PXYLP1: variants seen among roughly 807,000 people sequenced by gnomAD.
PXYLP1 encodes the protein 2-phosphoxylose phosphatase 1.
Under a neutral mutation model 37.9 loss-of-function variants are expected in PXYLP1, and 17 were observed. The ratio of observed to expected loss-of-function variants is 0.45; its 90% CI spans 0.31 to 0.67. PXYLP1 has a LOEUF of 0.67. Ranked by LOEUF, PXYLP1 falls within the 30% of genes least tolerant of loss-of-function variation. PXYLP1 has a pLI of 0.07. For synonymous variants in PXYLP1, 221 were observed against 232.2 expected, an observed-to-expected ratio of 0.95 and a Z score of 0.44; for missense variants, 511 against 612.0, an observed-to-expected ratio of 0.84 and a Z score of 1.74.
Position 141,292,992 on chromosome 3 carries a change from C to T in PXYLP1, c.1230C>T (p.Asp410=). ...AARLIFELWQ[D]REKPSEHSVR... Reference sequence around the variant, plus strand: ...GGTTGATCTTTGAGCTTTGGCAAGACAGAGAAAAGCCCAGTGAACATTCCG... The same window carrying T: ...GGTTGATCTTTGAGCTTTGGCAAGATAGAGAAAAGCCCAGTGAACATTCCG... Residue 410 remains aspartate, a synonymous_variant, in exon 6 of 6, where the codon GAC becomes GAT. Transcript: ENST00000286353. The surrounding 1 kb of genome is among the most constrained non-coding windows in gnomAD (Gnocchi z 4.3). 6.2e-7 allele frequency: 1 copy of T among 1,614,196 alleles called. No homozygotes were observed. The highest frequency in any genetic ancestry group is 1.7e-5 in the Admixed American group (1 of 60,028).
intron 2 of PXYLP1, among the ~76,000 whole-genome samples, chr3:141,275,650 A>G (rs986188024): frequency 2.0e-5 from 3 of 152,240 alleles, no homozygotes; most frequent in Non-Finnish European, 4.4e-5. Flanking sequence ...GGGCTGTGTT[A>G]GCCATCCTAG....
chr3:141,268,192 AGAGAGAGAGAGAGAGT>A (rs751817870), intron 2 of PXYLP1, among the ~76,000 whole-genome samples: 237 of 98,588 alleles, frequency 2.4e-3, no homozygotes, highest in Admixed American at 3.4e-3. Flanking sequence ...AGAGAGAGAG[AGAGAGAGAGAGAGAGT>A]GTGTGTGTGT....
chr3:141,233,322 A>C (rs1189073424), intron 1 of PXYLP1, among the ~76,000 whole-genome samples: 1 of 152,086 alleles, frequency 6.6e-6, no homozygotes, highest in African/African-American at 2.4e-5. Flanking sequence ...AAAATTAGCC[A>C]GGCGTGGTGG....
chr3:141,260,405 G>A, intron 2 of PXYLP1, 151 bp downstream of exon 2: 6 of 875,356 alleles, frequency 6.9e-6, no homozygotes, highest in South Asian at 1.7e-5. Flanking sequence ...GTTGCAAGGA[G>A]GGATCCTAAA....
intron 2 of PXYLP1, chr3:141,267,468 G>A (rs1218109103): frequency 1.3e-5 from 2 of 152,134 alleles, no homozygotes; most frequent in African/African-American, 4.8e-5. Flanking sequence ...TCTCTTCATT[G>A]TGACCAAAGT....
chr3:141,284,267 G>T (rs1429222562), intron 4 of PXYLP1, among the ~76,000 whole-genome samples: 1 of 152,072 alleles, frequency 6.6e-6, no homozygotes, highest in East Asian at 1.9e-4. Context: ...ACCATCCCCT[G>T]GGGATGGCTA....
intron 1 of PXYLP1, among the ~76,000 whole-genome samples, chr3:141,248,097 A>G (rs1380646125): frequency 7.1e-6 from 1 of 140,498 alleles, no homozygotes; most frequent in Non-Finnish European, 1.5e-5. Flanking sequence ...ATTTTGGCTC[A>G]CTGCAACCTC....
chr3:141,292,140 TG>T lies in PXYLP1; in HGVS notation c.506-124del. 1 of 872,806 alleles carries T rather than the reference TG, an allele frequency of 1.1e-6. No individual in the cohort carries two copies. The highest frequency in any genetic ancestry group is 1.8e-6 in the Non-Finnish European group (1 of 566,940). The allele number at this position is 872,806 out of a possible 1,614,324, so 54.1% of individuals were successfully genotyped here. A position where few individuals can be genotyped will look rare whatever the true frequency, so the allele number is the denominator to read the frequency against. On this transcript the variant is annotated intron_variant, in intron 5 of 5. Transcript: ENST00000286353. The surrounding 1 kb of genome is among the most constrained non-coding windows in gnomAD (Gnocchi z 4.3). ...ACTCGAGCTTGTAACTTCCACACCATGGGGAAACAGGCTGGATGCCATTCTC... is the reference window on the plus strand; with the variant it reads ...ACTCGAGCTTGTAACTTCCACACCATGGGAAACAGGCTGGATGCCATTCTC...
chr3:141,267,259 G>C (rs1337600643), intron 2 of PXYLP1: 1 of 152,232 alleles, frequency 6.6e-6, no homozygotes, highest in Non-Finnish European at 1.5e-5. Flanking sequence ...GATGCGTGAA[G>C]ATCTCAGTAT....
intron 4 of PXYLP1, among the ~76,000 whole-genome samples, chr3:141,286,355 G>C (rs1942074381): frequency 6.6e-6 from 1 of 152,184 alleles, no homozygotes; most frequent in Non-Finnish European, 1.5e-5. Flanking sequence ...TAAATGAGAG[G>C]TTGTATGTCC....
chr3:141,274,681 C>A (rs1046390266), intron 2 of PXYLP1: 82 of 709,276 alleles, frequency 1.2e-4, no homozygotes, highest in Admixed American at 1.6e-4. Flanking sequence ...GTGAAAGACG[C>A]ACACTCCCAG....
At chr3:141,269,364 T>C (rs1325197099) in intron 2 of PXYLP1, among the ~76,000 whole-genome samples, 3 of 152,230 alleles carry the variant, frequency 2.0e-5, no homozygotes, top group Admixed American at 2.0e-4. Flanking sequence ...AATACTAAAA[T>C]ATTCCTTATG....
At chr3:141,274,046 A>G in intron 2 of PXYLP1, 1 of 986,812 alleles carries the variant, frequency 1.0e-6, no homozygotes, top group South Asian at 4.7e-5. Flanking sequence ...AGCTGCTGTC[A>G]TCTGCCTGAG....
intron 2 of PXYLP1, among the ~76,000 whole-genome samples, chr3:141,261,387 G>C (rs1427642758): frequency 6.6e-6 from 1 of 152,204 alleles, no homozygotes; most frequent in Admixed American, 6.5e-5. Context: ...TCAAACTCCT[G>C]ACCTCAAGTG....
chr3:141,270,732 C>T (rs1941641618), intron 2 of PXYLP1, among the ~76,000 whole-genome samples: 1 of 152,028 alleles, frequency 6.6e-6, no homozygotes, highest in African/African-American at 2.4e-5. Flanking sequence ...TTGGAGTGGC[C>T]AAGAGGAGAA....
chr3:141,252,778 G>A (rs1459992116), intron 1 of PXYLP1, among the ~76,000 whole-genome samples: 7 of 152,196 alleles, frequency 4.6e-5, no homozygotes, highest in African/African-American at 1.7e-4. Flanking sequence ...CAGTGACGCA[G>A]GTCAAATCAC....
At chr3:141,262,612 G>C in intron 2 of PXYLP1, 1 of 1,476,710 alleles carries the variant, frequency 6.8e-7, no homozygotes, top group South Asian at 1.4e-5. Flanking sequence ...ACTTTTTTAA[G>C]GAAAATTTTG....
At chr3:141,257,965 A>G (rs1036432406) in intron 1 of PXYLP1, among the ~76,000 whole-genome samples, 4 of 151,774 alleles carry the variant, frequency 2.6e-5, no homozygotes, top group Admixed American at 6.6e-5. Flanking sequence ...TGCAGTGTCA[A>G]GTAAGACCAT....
chr3:141,246,035 C>T (rs558674977), intron 1 of PXYLP1, among the ~76,000 whole-genome samples: 3 of 152,126 alleles, frequency 2.0e-5, no homozygotes, highest in East Asian at 1.9e-4. Context: ...CCCGACTGAC[C>T]GACTAAACCT....
Sources: gnomAD v4.1 joint callset for allele counts (sites outside exome capture counted in the v4.1 genomes callset) on GRCh38, gnomAD v4.1.1 for gene constraint, Gnocchi (gnomAD v3.1) non-coding constraint, MANE v1.5 for transcripts, NCBI Gene and HGNC (gene_info 2026-07-23, HGNC 2026-07-21) for gene names.